The following PPARGC1A variants were observed in gnomAD, a reference collection of about 807,000 sequenced individuals.
The protein encoded by PPARGC1A is PPARG coactivator 1 alpha, also known as peroxisome proliferator-activated receptor gamma coactivator 1-alpha.
In PPARGC1A, 25 loss-of-function variants were observed where a neutral mutation model predicts 88.7. The ratio of observed to expected loss-of-function variants is 0.28; its 90% CI spans 0.21 to 0.39. The LOEUF is 0.39. PPARGC1A is among the 10% of genes least tolerant of loss of function. The probability of loss-of-function intolerance (pLI) is 1.00; values close to 1 mark genes in which losing one functional copy is unlikely to be tolerated. For synonymous variants in PPARGC1A, 363 were observed against 355.6 expected (o/e 1.02, Z -0.24); for missense variants, 880 against 968.7 (o/e 0.91, Z 1.22).
chr4:24,095,689 T>C, the PPARGC1A span, among the ~76,000 whole-genome samples: 1 of 152,056 alleles, frequency 6.6e-6, no homozygotes, highest in Admixed American at 6.6e-5. Flanking sequence ...GTCTCAGTAA[T>C]TTATGAAGAA....
At chr4:24,161,715 A>C in the PPARGC1A span, among the ~76,000 whole-genome samples, 2 of 152,150 alleles carry the variant, frequency 1.3e-5, no homozygotes, top group African/African-American at 4.8e-5. Flanking sequence ...TCCGATGGTA[A>C]ATTCAGAGAA....
chr4:24,212,708 C>T, the PPARGC1A span, among the ~76,000 whole-genome samples: 140 of 152,260 alleles, frequency 9.2e-4, no homozygotes, highest in Non-Finnish European at 1.7e-3. Context: ...AAGCCCTCAG[C>T]GAGAACCACA....
At chr4:24,254,773 T>C in the PPARGC1A span, among the ~76,000 whole-genome samples, 1 of 152,192 alleles carries the variant, frequency 6.6e-6, no homozygotes, top group Admixed American at 6.5e-5. Context: ...TGAAATTCCA[T>C]AGTGTATTTA....
the PPARGC1A span, among the ~76,000 whole-genome samples, chr4:24,197,003 T>C: frequency 3.3e-5 from 5 of 152,332 alleles, no homozygotes; most frequent in South Asian, 4.1e-4. Context: ...TTTTATGACT[T>C]GTCAGTGGTT....
At chr4:24,313,360 G>A in the PPARGC1A span, among the ~76,000 whole-genome samples, 9 of 152,196 alleles carry the variant, frequency 5.9e-5, no homozygotes, top group African/African-American at 1.2e-4. Flanking sequence ...GGCATGAAAC[G>A]GTGATAGAAG....
the PPARGC1A span, among the ~76,000 whole-genome samples, chr4:24,103,435 A>T: frequency 3.3e-5 from 5 of 152,106 alleles, no homozygotes; most frequent in African/African-American, 1.2e-4. Context: ...GGTGTGTAGG[A>T]TACAGAAAAG....
At chr4:24,030,982 C>T in the PPARGC1A span, among the ~76,000 whole-genome samples, 91,159 of 151,902 alleles carry the variant, frequency 0.6, 28,054 homozygotes, top group African/African-American at 0.72. Flanking sequence ...ATGCAGATGA[C>T]TGGAGAAAAG....
chr4:24,298,500 C>A, the PPARGC1A span, among the ~76,000 whole-genome samples: 1 of 152,116 alleles, frequency 6.6e-6, no homozygotes, highest in Non-Finnish European at 1.5e-5. Flanking sequence ...ATATTGGGCA[C>A]CATTCTTGTC....
chr4:24,246,601 G>C, the PPARGC1A span, among the ~76,000 whole-genome samples: 5 of 152,266 alleles, frequency 3.3e-5, no homozygotes, highest in African/African-American at 1.2e-4. Flanking sequence ...GCGTGACACA[G>C]CCAGACCCTG....
the PPARGC1A span, among the ~76,000 whole-genome samples, chr4:23,979,308 C>T: frequency 6.6e-6 from 1 of 152,146 alleles, no homozygotes; most frequent in African/African-American, 2.4e-5. Context: ...GGGATACTTT[C>T]TCCTGTATCT....
chr4:23,804,979 G>A (rs1719508551), intron 10 of PPARGC1A, among the ~76,000 whole-genome samples: 2 of 152,036 alleles, frequency 1.3e-5, no homozygotes, highest in African/African-American at 4.8e-5. Context: ...CACTTCCCCA[G>A]GATAATAAAA....
At chr4:24,281,202 C>G in the PPARGC1A span, among the ~76,000 whole-genome samples, 2 of 152,216 alleles carry the variant, frequency 1.3e-5, no homozygotes, top group African/African-American at 2.4e-5. Context: ...AGTGATGAAA[C>G]TTACAGCTAC....
intron 2 of PPARGC1A, among the ~76,000 whole-genome samples, chr4:23,836,796 T>A (rs551416280): frequency 6.6e-6 from 1 of 152,262 alleles, no homozygotes; most frequent in South Asian, 2.1e-4. Context: ...GGCAAAAGGA[T>A]CTTCCAACTG....
At chr4:24,468,846 A>G in the PPARGC1A span, among the ~76,000 whole-genome samples, 1 of 152,188 alleles carries the variant, frequency 6.6e-6, no homozygotes. Flanking sequence ...AGTAATCAAA[A>G]TGCCTTGTGA....
the PPARGC1A span, among the ~76,000 whole-genome samples, chr4:24,270,278 C>T: frequency 6.6e-6 from 1 of 151,730 alleles, no homozygotes; most frequent in Non-Finnish European, 1.5e-5. Context: ...TTGACAATCA[C>T]ATAAGTCAAT....
the PPARGC1A span, among the ~76,000 whole-genome samples, chr4:24,005,825 A>G: frequency 2.0e-5 from 3 of 152,104 alleles, no homozygotes; most frequent in African/African-American, 7.2e-5. Flanking sequence ...ATGGGGAAGA[A>G]CAAACCCAGA....
the PPARGC1A span, among the ~76,000 whole-genome samples, chr4:24,238,741 GTATA>G: frequency 9.5e-5 from 11 of 116,172 alleles, no homozygotes; most frequent in South Asian, 1.0e-3. Flanking sequence ...ATCCAAGGTT[GTATA>G]TGTGTGTGTG....
chr4:24,273,842 T>C, the PPARGC1A span, among the ~76,000 whole-genome samples: 1 of 150,926 alleles, frequency 6.6e-6, no homozygotes, highest in South Asian at 2.1e-4. Flanking sequence ...GCGATTCTCC[T>C]GCCTCAGCTT....
At chr4:24,002,097 C>CACACAGAGAGAGAG in the PPARGC1A span, among the ~76,000 whole-genome samples, 14 of 125,380 alleles carry the variant, frequency 1.1e-4, no homozygotes, top group African/African-American at 4.6e-4. Flanking sequence ...CACACACACA[C>CACACAGAGAGAGAG]AGAGAGAGAG....
Sources: allele counts gnomAD v4.1 joint callset (sites outside exome capture counted in the v4.1 genomes callset), GRCh38; gene constraint gnomAD v4.1.1; transcripts MANE v1.5; gene names NCBI Gene and HGNC (gene_info 2026-07-23, HGNC 2026-07-21).